Variants in DRC11 observed in about 807,000 individuals in gnomAD.
DRC11 encodes IQ and AAA domain-containing protein 1.
chr2:236,485,378 C>T, the DRC11 span, among the ~76,000 whole-genome samples: 1 of 152,038 alleles, frequency 6.6e-6, no homozygotes, highest in Non-Finnish European at 1.5e-5. Context: ...ATGTTATTAG[C>T]GTTTTCAAAG....
chr2:236,427,149 T>C, the DRC11 span, among the ~76,000 whole-genome samples: 1 of 152,232 alleles, frequency 6.6e-6, no homozygotes, highest in African/African-American at 2.4e-5. The surrounding 1 kb of genome is among the most constrained non-coding windows in gnomAD (Gnocchi z 5.9). Context: ...TGGTGAATGA[T>C]TCTTTTAATG....
chr2:236,503,957 G>C, the DRC11 span, among the ~76,000 whole-genome samples: 6 of 152,188 alleles, frequency 3.9e-5, no homozygotes, highest in Non-Finnish European at 8.8e-5. This position sits in a 1 kb window ranked among gnomAD's most constrained non-coding sequence, Gnocchi z 4.9. Flanking sequence ...ATTGATGAGA[G>C]AGAATTCACA....
At chr2:236,450,508 C>T in the DRC11 span, among the ~76,000 whole-genome samples, 2 of 151,460 alleles carry the variant, frequency 1.3e-5, no homozygotes, top group South Asian at 2.1e-4. Context: ...TTAGTAGAGA[C>T]GGGGTTTTAC....
the DRC11 span, chr2:236,407,751 C>G: frequency 7.1e-6 from 2 of 283,262 alleles, no homozygotes; most frequent in South Asian, 7.7e-5. Context: ...CTCACTGCCT[C>G]CATCATAGCC....
chr2:236,357,053 TCTA>T, the DRC11 span, among the ~76,000 whole-genome samples: 53 of 102,770 alleles, frequency 5.2e-4, 1 homozygote, highest in African/African-American at 7.4e-4. Flanking sequence ...ATATTATATA[TCTA>T]TTTATATATT....
At chr2:236,355,723 C>A in the DRC11 span, among the ~76,000 whole-genome samples, 1 of 122,756 alleles carries the variant, frequency 8.1e-6, no homozygotes, top group Admixed American at 7.5e-5. Flanking sequence ...AATTGTACAT[C>A]TCTCTCTCTC....
At chr2:236,402,501 A>C in the DRC11 span, among the ~76,000 whole-genome samples, 76 of 152,316 alleles carry the variant, frequency 5.0e-4, no homozygotes, top group Non-Finnish European at 9.6e-4. The surrounding 1 kb of genome is among the most constrained non-coding windows in gnomAD (Gnocchi z 6.0). Context: ...CAAGAGCTTC[A>C]GGGGAGGCCC....
At chr2:236,449,013 C>T in the DRC11 span, among the ~76,000 whole-genome samples, 8 of 152,120 alleles carry the variant, frequency 5.3e-5, no homozygotes, top group South Asian at 2.1e-4. This position sits in a 1 kb window ranked among gnomAD's most constrained non-coding sequence, Gnocchi z 5.1. Context: ...GTGCGTGCCA[C>T]CACGCCTGGC....
At chr2:236,344,447 C>T in the DRC11 span, 1 of 702,180 alleles carries the variant, frequency 1.4e-6, no homozygotes, top group South Asian at 1.8e-5. Flanking sequence ...CCCAGTGTTT[C>T]CTTCCTCGCT....
At chr2:236,389,763 T>C in the DRC11 span, among the ~76,000 whole-genome samples, 1 of 152,170 alleles carries the variant, frequency 6.6e-6, no homozygotes, top group Admixed American at 6.5e-5. Flanking sequence ...TATTCAAGAG[T>C]GTGTTGTTTA....
chr2:236,499,574 G>A, the DRC11 span, among the ~76,000 whole-genome samples: 6 of 152,126 alleles, frequency 3.9e-5, no homozygotes, highest in Non-Finnish European at 8.8e-5. This position sits in a 1 kb window ranked among gnomAD's most constrained non-coding sequence, Gnocchi z 4.7. Context: ...GACTACAGGC[G>A]TGTGCCACCA....
the DRC11 span, among the ~76,000 whole-genome samples, chr2:236,357,513 A>T: frequency 7.9e-6 from 1 of 126,920 alleles, no homozygotes; most frequent in South Asian, 2.3e-4. Flanking sequence ...ACATATTATA[A>T]ATATATTTAT....
At chr2:236,489,102 G>C in the DRC11 span, among the ~76,000 whole-genome samples, 1 of 141,138 alleles carries the variant, frequency 7.1e-6, no homozygotes. Context: ...TCTGGGTGCA[G>C]GTGAGGCCTG....
At chr2:236,497,049 C>T in the DRC11 span, 3 of 837,214 alleles carry the variant, frequency 3.6e-6, no homozygotes, top group South Asian at 1.9e-5. The surrounding 1 kb of genome is among the most constrained non-coding windows in gnomAD (Gnocchi z 5.1). Context: ...ATTTTCCGTA[C>T]ACCAACTAGT....
the DRC11 span, among the ~76,000 whole-genome samples, chr2:236,491,123 GTA>G: frequency 0.015 from 870 of 57,230 alleles, 27 homozygotes; most frequent in Middle Eastern, 0.022. Flanking sequence ...TATACAGTGT[GTA>G]TATATATATA....
chr2:236,318,061 T>G, the DRC11 span, among the ~76,000 whole-genome samples: 1 of 152,196 alleles, frequency 6.6e-6, no homozygotes, highest in South Asian at 2.1e-4. This position sits in a 1 kb window ranked among gnomAD's most constrained non-coding sequence, Gnocchi z 7.0. Context: ...TGTAAAGTGG[T>G]GCAGCGCTTC....
chr2:236,383,729 A>G, the DRC11 span, among the ~76,000 whole-genome samples: 1 of 150,834 alleles, frequency 6.6e-6, no homozygotes, highest in Non-Finnish European at 1.5e-5. Context: ...TTAGTTACAT[A>G]TGTATACATG....
At chr2:236,500,125 G>T in the DRC11 span, among the ~76,000 whole-genome samples, 1 of 152,100 alleles carries the variant, frequency 6.6e-6, no homozygotes, top group East Asian at 1.9e-4. This position sits in a 1 kb window ranked among gnomAD's most constrained non-coding sequence, Gnocchi z 6.3. Context: ...TGATGGCGAA[G>T]GTAACAGCTT....
the DRC11 span, among the ~76,000 whole-genome samples, chr2:236,376,360 G>A: frequency 6.6e-6 from 1 of 152,166 alleles, no homozygotes; most frequent in Admixed American, 6.5e-5. The surrounding 1 kb of genome is among the most constrained non-coding windows in gnomAD (Gnocchi z 5.7). Context: ...CTGGATTTTG[G>A]ATGGAGAAAG....
Sources: allele counts gnomAD v4.1 joint callset (sites outside exome capture counted in the v4.1 genomes callset), GRCh38; gene constraint gnomAD v4.1.1; non-coding constraint Gnocchi (gnomAD v3.1); transcripts MANE v1.5; gene names NCBI Gene and HGNC (gene_info 2026-07-23, HGNC 2026-07-21).